TRPC5: variants seen among roughly 807,000 people sequenced by gnomAD.
TRPC5 encodes short transient receptor potential channel 5.
A neutral mutation model predicts 56.5 loss-of-function variants in TRPC5; 9 were observed. The observed-to-expected ratio is 0.16, with a 90% CI of 0.10 to 0.28. TRPC5 has a LOEUF of 0.28. Among genes scored for constraint, TRPC5 ranks in the 10% least tolerant of loss-of-function variants. TRPC5 has a pLI of 1.00. For synonymous variants in TRPC5, 282 were observed against 278.5 expected (o/e 1.01, Z -0.13); for missense variants, 469 against 748.9 (o/e 0.63, Z 4.36).
chrX:111,870,674 T>C (rs937161907), intron 3 of TRPC5, among the ~76,000 whole-genome samples: 3 of 111,373 alleles, frequency 2.7e-5, no homozygotes, highest in Admixed American at 9.6e-5. Flanking sequence ...TTAAAAACTT[T>C]GGTTTTCAGA....
chrX:112,074,095 T>C (rs1351377572), intron 1 of TRPC5, among the ~76,000 whole-genome samples: 2 of 111,143 alleles, frequency 1.8e-5, no homozygotes, highest in East Asian at 2.8e-4. Context: ...CAGGTACTTT[T>C]AGTTTTTTCT....
intron 2 of TRPC5, among the ~76,000 whole-genome samples, chrX:111,934,928 A>T (rs979592802): frequency 1.9e-4 from 21 of 112,513 alleles, no homozygotes; most frequent in African/African-American, 6.8e-4. Flanking sequence ...GCTGCAATAA[A>T]TATGGAAGTG....
At chrX:111,947,444 C>A (rs1278065403) in intron 2 of TRPC5, among the ~76,000 whole-genome samples, 1 of 111,476 alleles carries the variant, frequency 9.0e-6, no homozygotes, top group Non-Finnish European at 1.9e-5. Flanking sequence ...TCAAGCGATT[C>A]TCCTGTCTCA....
chrX:111,769,078 A>G lies in TRPC5; in HGVS notation c.*7235T>C, dbSNP rs906849949. On this transcript the variant is annotated 3_prime_UTR_variant, in exon 11 of 11. Transcript: ENST00000262839. ...GAACACATTCAGCTAGCTAGCTGCC[A>G]TCTTCCTATTAGAGTTTCTTTCCAT... Among the ~76,000 whole-genome samples, 1 of 111,580 alleles carries G rather than the reference A, an allele frequency of 9.0e-6. No individual in the cohort carries two copies. The highest frequency in any genetic ancestry group is 1.9e-5 in the Non-Finnish European group (1 of 53,028).
chrX:112,060,264 C>A (rs1351291508), intron 1 of TRPC5, among the ~76,000 whole-genome samples: 1 of 111,944 alleles, frequency 8.9e-6, no homozygotes, highest in Non-Finnish European at 1.9e-5. Context: ...ACATTTGCAA[C>A]TCCTGCCAAA....
At chrX:111,893,720 ATTCTT>A (rs1031213955) in intron 3 of TRPC5, among the ~76,000 whole-genome samples, 7 of 112,013 alleles carry the variant, frequency 6.2e-5, no homozygotes, top group Non-Finnish European at 1.3e-4. Flanking sequence ...CAGCTGCACA[ATTCTT>A]TCCTTTCTTT....
intron 2 of TRPC5, among the ~76,000 whole-genome samples, chrX:111,950,218 G>A (rs1449875408): frequency 9.1e-6 from 1 of 110,336 alleles, no homozygotes; most frequent in Non-Finnish European, 1.9e-5. Context: ...CCAGCTACTC[G>A]GGAGGCTGAG....
chrX:111,980,901 T>A lies in TRPC5; in HGVS notation c.-21-28460A>T, dbSNP rs759219431. Among the ~76,000 whole-genome samples the A allele has an allele frequency of 7.1e-5, 7 of 98,241 alleles. No homozygotes were observed. The South Asian group carries it at 2.9e-3, about 41-fold the overall frequency. 85.3% of individuals were successfully genotyped at this position (98,241 alleles called of 115,157 possible). A position where few individuals can be genotyped will look rare whatever the true frequency, so the allele number is the denominator to read the frequency against. On this transcript the variant is annotated intron_variant, in intron 1 of 10. Transcript: ENST00000262839. ...AGACTGTGACTAATATATATATATA[T>A]TATATATATGTATATATATATATAC...
intron 3 of TRPC5, among the ~76,000 whole-genome samples, chrX:111,875,675 G>T (rs1299753963): frequency 1.0e-5 from 1 of 99,637 alleles, no homozygotes; most frequent in African/African-American, 3.8e-5. Flanking sequence ...TTTTCTTAAA[G>T]ATTGCAGTTT....
chrX:112,046,892 T>A (rs187173456), intron 1 of TRPC5, among the ~76,000 whole-genome samples: 2 of 111,554 alleles, frequency 1.8e-5, no homozygotes, highest in East Asian at 5.7e-4. Context: ...TTCACTTTTG[T>A]CTCACTTATC....
chrX:112,012,975 C>T (rs774655614), intron 1 of TRPC5, among the ~76,000 whole-genome samples: 10 of 111,494 alleles, frequency 9.0e-5, no homozygotes, highest in Non-Finnish European at 1.9e-4. Flanking sequence ...TAAGCCACTT[C>T]CTTTGGTGTT....
chrX:111,780,540 G>T (rs932415911), intron 9 of TRPC5, among the ~76,000 whole-genome samples: 2 of 110,152 alleles, frequency 1.8e-5, no homozygotes, highest in Non-Finnish European at 3.8e-5. Flanking sequence ...AGGACCCCCC[G>T]CCCCATGTAC....
chrX:111,986,509 G>T (rs1032361888), intron 1 of TRPC5, among the ~76,000 whole-genome samples: 1 of 110,361 alleles, frequency 9.1e-6, no homozygotes, highest in Non-Finnish European at 1.9e-5. Flanking sequence ...AGTGGTGGGA[G>T]TAAGTTCTGA....
chrX:111,996,090 A>G (rs1348384967), intron 1 of TRPC5, among the ~76,000 whole-genome samples: 7 of 111,548 alleles, frequency 6.3e-5, no homozygotes, highest in Admixed American at 1.9e-4. Context: ...TGTCCATTTT[A>G]GATCTTTCCT....
At chrX:111,971,537 G>A (rs918473293) in intron 1 of TRPC5, among the ~76,000 whole-genome samples, 1 of 111,381 alleles carries the variant, frequency 9.0e-6, no homozygotes, top group African/African-American at 3.3e-5. Context: ...CTTGAGTGCT[G>A]TTTCCCAGAA....
intron 1 of TRPC5, among the ~76,000 whole-genome samples, chrX:112,016,066 G>A (rs908822830): frequency 1.8e-5 from 2 of 111,832 alleles, no homozygotes; most frequent in Admixed American, 1.9e-4. Flanking sequence ...AAATCTTTGG[G>A]GTTGTTTTTG....
chrX:112,069,236 T>C (rs1424755557), intron 1 of TRPC5, among the ~76,000 whole-genome samples: 4 of 111,435 alleles, frequency 3.6e-5, no homozygotes, highest in Non-Finnish European at 7.5e-5. Flanking sequence ...AAGGTCACAC[T>C]CCTAGTAAGT....
At chrX:111,852,047 T>C (rs1305995603) in intron 5 of TRPC5, among the ~76,000 whole-genome samples, 2 of 112,251 alleles carry the variant, frequency 1.8e-5, no homozygotes, top group Non-Finnish European at 3.8e-5. Context: ...CACCGAAAGC[T>C]GAAGACTCTT....
At chrX:111,812,467 TATAA>T (rs781770429) in intron 7 of TRPC5, among the ~76,000 whole-genome samples, 5 of 112,234 alleles carry the variant, frequency 4.5e-5, no homozygotes, top group Non-Finnish European at 7.5e-5. Flanking sequence ...GAGAAATTAT[TATAA>T]ATACTCTTCT....
Sources: gnomAD v4.1 joint callset for allele counts (sites outside exome capture counted in the v4.1 genomes callset) on GRCh38, gnomAD v4.1.1 for gene constraint, MANE v1.5 for transcripts, NCBI Gene and HGNC (gene_info 2026-07-23, HGNC 2026-07-21) for gene names.